Variants in HS6ST1 observed in about 807,000 individuals in gnomAD.
HS6ST1 encodes the protein heparan-sulfate 6-O-sulfotransferase 1.
HS6ST1 carries 3 observed loss-of-function variants against 25.2 expected under a neutral mutation model. The observed-to-expected ratio is 0.12, with a 90% CI of 0.05 to 0.31. The LOEUF is 0.31. Ranked by LOEUF, HS6ST1 falls within the 10% of genes least tolerant of loss-of-function variation. HS6ST1 has a pLI of 1.00. For missense variants in HS6ST1, 310 were observed against 609.6 expected, an observed-to-expected ratio of 0.51 and a Z score of 5.18; for synonymous variants, 204 against 275.1, an observed-to-expected ratio of 0.74 and a Z score of 2.56.
At chr2:128,279,756 A>C (rs1693751293) in intron 1 of HS6ST1, among the ~76,000 whole-genome samples, 1 of 152,152 alleles carries the variant, frequency 6.6e-6, no homozygotes, top group African/African-American at 2.4e-5. Context: ...TGATTGTGCG[A>C]CTGCACTCCA....
rs775586969 is a variant in HS6ST1 at position 128,317,920 on chromosome 2, C to G, written c.527+117G>C. 4.1e-3 allele frequency: 5,033 copies of G among 1,240,906 alleles called. 15 individuals carry two copies. The highest frequency in any genetic ancestry group is 4.8e-3 in the Non-Finnish European group (4,660 of 972,020). The allele number at this position is 1,240,906 out of a possible 1,614,324, so 76.9% of individuals were successfully genotyped here. A position where few individuals can be genotyped will look rare whatever the true frequency, so the allele number is the denominator to read the frequency against. ...CGGGAGGGGTGCCGGCGAGTGGGGG[C>G]CCCCAAGAGGGCAGAAGGGGGTAGG... On this transcript the variant is annotated intron_variant, in intron 1 of 1. Coordinates refer to ENST00000259241, the MANE Select transcript of HS6ST1 (RefSeq NM_004807.3).
chr2:128,304,714 A>G (rs1694182341), intron 1 of HS6ST1, among the ~76,000 whole-genome samples: 2 of 152,238 alleles, frequency 1.3e-5, no homozygotes, highest in Admixed American at 1.3e-4. Context: ...ACCAGAGAAC[A>G]GGGACAGTGA....
intron 1 of HS6ST1, among the ~76,000 whole-genome samples, chr2:128,270,424 C>T (rs1693593350): frequency 6.6e-6 from 1 of 152,256 alleles, no homozygotes; most frequent in Admixed American, 6.5e-5. Context: ...AAGCACCCTG[C>T]ACCCACAGCC....
At chr2:128,299,779 T>G (rs1056578534) in intron 1 of HS6ST1, among the ~76,000 whole-genome samples, 2 of 152,154 alleles carry the variant, frequency 1.3e-5, no homozygotes, top group African/African-American at 4.8e-5. Context: ...GAGAGGCTCA[T>G]AACCCCTCCC....
At chr2:128,307,795 T>C (rs1694234680) in intron 1 of HS6ST1, among the ~76,000 whole-genome samples, 1 of 152,088 alleles carries the variant, frequency 6.6e-6, no homozygotes, top group Non-Finnish European at 1.5e-5. Flanking sequence ...GGGCACAGCA[T>C]GGTGGTGAGG....
intron 1 of HS6ST1, chr2:128,290,224 A>G (rs1176423198): frequency 6.6e-6 from 1 of 152,214 alleles, no homozygotes; most frequent in Non-Finnish European, 1.5e-5. Flanking sequence ...ATAAAAAGTT[A>G]GGGGTAAAAT....
intron 1 of HS6ST1, among the ~76,000 whole-genome samples, chr2:128,301,769 C>T (rs1471538584): frequency 6.6e-6 from 1 of 152,168 alleles, no homozygotes; most frequent in Non-Finnish European, 1.5e-5. Context: ...GGTTTGAAGC[C>T]TGCAGCTGAT....
At chr2:128,288,079 G>T (rs540104430) in intron 1 of HS6ST1, among the ~76,000 whole-genome samples, 31 of 152,218 alleles carry the variant, frequency 2.0e-4, no homozygotes, top group Non-Finnish European at 4.1e-4. Flanking sequence ...GCTGACTAGG[G>T]GCGGGCTGGC....
Position 128,318,380 on chromosome 2 carries a change from G to A in HS6ST1, c.184C>T (p.Pro62Ser), listed in dbSNP as rs1325269539. 1 of 1,608,624 alleles carries A rather than the reference G, an allele frequency of 6.2e-7. No individual in the cohort carries two copies. Among genetic ancestry groups the A allele is most frequent in the Non-Finnish European group, 8.5e-7 (1 of 1,178,220 alleles). Reference protein sequence around the residue: ...DDLDLFPTPDPHYEKKYYFPV... With the variant: ...DDLDLFPTPDSHYEKKYYFPV... ...AAGTAGTACTTCTTCTCGTAGTGGG[G>A]GTCGGGTGTGGGGAACAGGTCCAGG... Residue 62 changes from proline to serine, a missense_variant, in exon 1 of 2, where the codon CCC becomes TCC. Physicochemically the swap from Pro to Ser is moderately conservative, Grantham distance 74. Around this residue, in one of 5 missense-constraint regions of HS6ST1, gnomAD observed 63 missense variants for 105.4 expected, o/e 0.60. Coordinates refer to ENST00000259241, the MANE Select transcript of HS6ST1 (RefSeq NM_004807.3). The surrounding 1 kb of genome is among the most constrained non-coding windows in gnomAD (Gnocchi z 5.7).
At chr2:128,317,104 G>A (rs1694383006) in intron 1 of HS6ST1, among the ~76,000 whole-genome samples, 1 of 152,252 alleles carries the variant, frequency 6.6e-6, no homozygotes, top group African/African-American at 2.4e-5. Context: ...CAGGACGAAT[G>A]GGCACCAACA....
chr2:128,303,771 T>G (rs570458488), intron 1 of HS6ST1, among the ~76,000 whole-genome samples: 1 of 152,238 alleles, frequency 6.6e-6, no homozygotes, highest in Non-Finnish European at 1.5e-5. Context: ...CAAAGGCCAC[T>G]GTGGTGGCTA....
intron 1 of HS6ST1, among the ~76,000 whole-genome samples, chr2:128,316,282 G>C (rs1694361259): frequency 1.3e-5 from 2 of 152,248 alleles, no homozygotes; most frequent in Non-Finnish European, 2.9e-5. Context: ...GAGCAGGCTT[G>C]TTTCAAAAGC....
intron 1 of HS6ST1, among the ~76,000 whole-genome samples, chr2:128,310,923 C>T (rs1164412812): frequency 6.6e-6 from 1 of 152,098 alleles, no homozygotes; most frequent in Non-Finnish European, 1.5e-5. Flanking sequence ...ATCTCCACTG[C>T]CCCCCCTTGC....
chr2:128,299,101 C>G (rs533648357), intron 1 of HS6ST1, among the ~76,000 whole-genome samples: 1 of 152,362 alleles, frequency 6.6e-6, no homozygotes, highest in African/African-American at 2.4e-5. Context: ...GGCCCAGGGC[C>G]GAGGTGTGAC....
intron 1 of HS6ST1, among the ~76,000 whole-genome samples, chr2:128,277,298 A>G (rs1693710206): frequency 6.6e-6 from 1 of 152,168 alleles, no homozygotes. Context: ...GTCCTGCTGC[A>G]TGGCCCCCAC....
At chr2:128,292,594 G>C (rs959647608) in intron 1 of HS6ST1, among the ~76,000 whole-genome samples, 5 of 152,204 alleles carry the variant, frequency 3.3e-5, no homozygotes, top group African/African-American at 1.2e-4. Flanking sequence ...AGGCTCACGG[G>C]GAGGCTGTGG....
chr2:128,284,301 G>GC (rs1693828588), intron 1 of HS6ST1, among the ~76,000 whole-genome samples: 1 of 152,008 alleles, frequency 6.6e-6, no homozygotes, highest in South Asian at 2.1e-4. Context: ...TCCACAGGCG[G>GC]CCCCCCACCC....
intron 1 of HS6ST1, among the ~76,000 whole-genome samples, chr2:128,315,346 G>A (rs1694345732): frequency 6.6e-6 from 1 of 152,212 alleles, no homozygotes; most frequent in African/African-American, 2.4e-5. Context: ...TGGGGAGGCT[G>A]GCAGCCGGGA....
intron 1 of HS6ST1, among the ~76,000 whole-genome samples, chr2:128,315,743 G>C (rs530298628): frequency 8.6e-4 from 131 of 152,312 alleles, no homozygotes; most frequent in African/African-American, 3.1e-3. Flanking sequence ...CAGGTGGCGG[G>C]GCAGCGCTCA....
Sources: allele counts gnomAD v4.1 joint callset (sites outside exome capture counted in the v4.1 genomes callset), GRCh38; gene constraint gnomAD v4.1.1; regional missense constraint gnomAD v4.1.1; non-coding constraint Gnocchi (gnomAD v3.1); transcripts MANE v1.5; gene names NCBI Gene and HGNC (gene_info 2026-07-23, HGNC 2026-07-21).